The following CTXND2 variants were observed in gnomAD, a reference collection of about 807,000 sequenced individuals.
The protein encoded by CTXND2 is cortexin domain containing 2.
chr1:150,913,073 C>T (rs587633602), exon 2 of CTXND2: 7 of 152,152 alleles, frequency 4.6e-5, no homozygotes, highest in Admixed American at 2.6e-4. Context: ...AAGATATATC[C>T]GTGTCCTAAC....
chr1:150,888,223 T>A lies in CTXND2; in HGVS notation c.-74+910T>A, dbSNP rs587704457. Among the ~76,000 whole-genome samples, 223 of 151,764 alleles carry A rather than the reference T, an allele frequency of 1.5e-3. 1 individual carries two copies. Among genetic ancestry groups the A allele is most frequent in the East Asian group, 9.3e-3 (48 of 5,186 alleles). ...TGAAAACATTTTACCTAATTTATTT[T>A]TTTTTTTTTTGAGACAGTCTCACTC... is the stretch of plus-strand genomic sequence containing the variant. On this transcript the variant is annotated intron_variant, in intron 1 of 1. Coordinates refer to ENST00000636087, the Ensembl canonical transcript of CTXND2.
intron 1 of CTXND2, among the ~76,000 whole-genome samples, chr1:150,902,788 G>C (rs1053854306): frequency 9.9e-5 from 15 of 152,012 alleles, no homozygotes; most frequent in Admixed American, 1.3e-4. Flanking sequence ...CAAAAAAGCA[G>C]ACCACTATGT....
At chr1:150,901,125 CAG>C (rs918030463) in intron 1 of CTXND2, among the ~76,000 whole-genome samples, 12 of 151,944 alleles carry the variant, frequency 7.9e-5, no homozygotes, top group South Asian at 2.1e-4. Context: ...AAAACACAAA[CAG>C]AAAGAATGAA....
chr1:150,894,639 G>T (rs1213384299), intron 1 of CTXND2, among the ~76,000 whole-genome samples: 1 of 152,102 alleles, frequency 6.6e-6, no homozygotes, highest in Admixed American at 6.6e-5. Flanking sequence ...GTAAAGTCTG[G>T]ACTTTCAGTG....
At chr1:150,911,093 C>T (rs1162438809) in intron 1 of CTXND2, among the ~76,000 whole-genome samples, 12 of 151,624 alleles carry the variant, frequency 7.9e-5, no homozygotes, top group Admixed American at 6.6e-5. Context: ...CATGAGCCAT[C>T]GTGCCTGGCC....
chr1:150,912,953 T>A (rs1167532197), exon 2 of CTXND2: 2 of 152,284 alleles, frequency 1.3e-5, no homozygotes, highest in East Asian at 1.9e-4. Context: ...TGGGCAGAAC[T>A]CTCTGGTAGA....
In CTXND2 at chr1:150,888,464, G is replaced by A. The variant is rs587600040; in HGVS notation, c.-74+1151G>A. Reference sequence around the variant, plus strand: ...CTCCTGACCGAAGGTGATCCCCCGCGACCTCGGCCTCCCAAAGTGTTGGGA... The same window carrying A: ...CTCCTGACCGAAGGTGATCCCCCGCAACCTCGGCCTCCCAAAGTGTTGGGA... On this transcript the variant is annotated intron_variant, in intron 1 of 1. Coordinates refer to ENST00000636087, the Ensembl canonical transcript of CTXND2. 1.8e-3 allele frequency among the ~76,000 whole-genome samples: 267 copies of A among 151,648 alleles called. 4 individuals are homozygous for A. In the Middle Eastern group the frequency reaches 0.034, roughly 19 times the overall value.
chr1:150,900,424 G>GA (rs1254161053), intron 1 of CTXND2, among the ~76,000 whole-genome samples: 1 of 152,232 alleles, frequency 6.6e-6, no homozygotes, highest in Non-Finnish European at 1.5e-5. Flanking sequence ...CCATCTTTAA[G>GA]AACTGTAACA....
chr1:150,908,936 A>C (rs1245562121), intron 1 of CTXND2, among the ~76,000 whole-genome samples: 1 of 151,778 alleles, frequency 6.6e-6, no homozygotes, highest in Admixed American at 6.6e-5. Flanking sequence ...CTTGATAATA[A>C]GCTTCTTAAA....
At chr1:150,890,908 T>C (rs777180330) in intron 1 of CTXND2, among the ~76,000 whole-genome samples, 25 of 152,206 alleles carry the variant, frequency 1.6e-4, no homozygotes, top group Non-Finnish European at 2.9e-4. Flanking sequence ...TCCATCACTA[T>C]TCCTTTATTT....
chr1:150,903,906 T>C (rs1669089129), intron 1 of CTXND2: 1 of 634,062 alleles, frequency 1.6e-6, no homozygotes, highest in Non-Finnish European at 3.0e-6. Flanking sequence ...ATGGGTGATG[T>C]TGAGAAAGGC....
chr1:150,895,848 A>G (rs781151213), intron 1 of CTXND2, among the ~76,000 whole-genome samples: 2 of 152,192 alleles, frequency 1.3e-5, no homozygotes, highest in Non-Finnish European at 2.9e-5. Context: ...GCCATGCCAG[A>G]GGCAGCAGTA....
At chr1:150,908,122 C>T (rs1306614341) in intron 1 of CTXND2, among the ~76,000 whole-genome samples, 1 of 151,878 alleles carries the variant, frequency 6.6e-6, no homozygotes, top group Non-Finnish European at 1.5e-5. Flanking sequence ...CCCGCCTCTG[C>T]CCCCCAAGTA....
chr1:150,904,723 T>G (rs1669106689), intron 1 of CTXND2, among the ~76,000 whole-genome samples: 1 of 152,232 alleles, frequency 6.6e-6, no homozygotes, highest in Non-Finnish European at 1.5e-5. Flanking sequence ...GAATTCCCTG[T>G]ATTTAAAATG....
intron 1 of CTXND2, among the ~76,000 whole-genome samples, chr1:150,904,514 AC>A (rs775724734): frequency 2.0e-5 from 3 of 152,178 alleles, no homozygotes; most frequent in Non-Finnish European, 4.4e-5. Flanking sequence ...CCATCTTCAA[AC>A]TTACTGGAGA....
chr1:150,909,901 T>C (rs190925810), intron 1 of CTXND2, among the ~76,000 whole-genome samples: 1 of 152,118 alleles, frequency 6.6e-6, no homozygotes, highest in East Asian at 1.9e-4. Context: ...AATGTAACAA[T>C]GTGTAGGAAA....
intron 1 of CTXND2, among the ~76,000 whole-genome samples, chr1:150,902,205 T>C (rs587714520): frequency 6.6e-6 from 1 of 151,974 alleles, no homozygotes; most frequent in Non-Finnish European, 1.5e-5. Context: ...ATTGAGACCA[T>C]CCTGGATAAC....
At chr1:150,907,558 G>C (rs1030218461) in intron 1 of CTXND2, among the ~76,000 whole-genome samples, 2 of 152,168 alleles carry the variant, frequency 1.3e-5, no homozygotes, top group African/African-American at 2.4e-5. Context: ...CCATTTATAA[G>C]TTGATGGACA....
intron 1 of CTXND2, among the ~76,000 whole-genome samples, chr1:150,898,517 G>A (rs930391156): frequency 6.6e-6 from 1 of 152,100 alleles, no homozygotes; most frequent in Non-Finnish European, 1.5e-5. Context: ...CAGCACGTTG[G>A]GAGGTCAAGG....
Sources: gnomAD v4.1 joint callset for allele counts (sites outside exome capture counted in the v4.1 genomes callset) on GRCh38, gnomAD v4.1.1 for gene constraint, MANE v1.5 for transcripts, NCBI Gene and HGNC (gene_info 2026-07-23, HGNC 2026-07-21) for gene names.